The following RTL4 variants were observed in gnomAD, a reference collection of about 807,000 sequenced individuals.
The protein encoded by RTL4 is retrotransposon Gag-like protein 4.
A neutral mutation model predicts 5.3 loss-of-function variants in RTL4; 4 were observed. The ratio of observed to expected loss-of-function variants is 0.75; its 90% CI spans 0.37 to 1.72. The LOEUF is 1.72. Ranked by LOEUF, RTL4 falls within the 40% of genes most tolerant of loss-of-function variation. The probability of loss-of-function intolerance (pLI) is 0.04; values close to 1 mark genes in which losing one functional copy is unlikely to be tolerated. For missense variants in RTL4, 260 were observed against 227.1 expected (o/e 1.14, Z -0.93); for synonymous variants, 98 against 87.3 (o/e 1.12, Z -0.68).
the RTL4 span, among the ~76,000 whole-genome samples, chrX:112,371,974 CTAT>C: frequency 8.9e-6 from 1 of 111,794 alleles, no homozygotes. Flanking sequence ...AAATAAATTG[CTAT>C]TATTTGAGGT....
At chrX:112,348,289 G>A in the RTL4 span, among the ~76,000 whole-genome samples, 1 of 109,291 alleles carries the variant, frequency 9.1e-6, no homozygotes, top group Non-Finnish European at 1.9e-5. Context: ...TAGCAGTTAG[G>A]CTTCTCTTCC....
At chrX:112,429,095 A>G in the RTL4 span, among the ~76,000 whole-genome samples, 2 of 111,226 alleles carry the variant, frequency 1.8e-5, no homozygotes, top group Non-Finnish European at 3.8e-5. Context: ...TTTTCGATAC[A>G]CTCTGACAGT....
At chrX:112,284,495 T>C in the RTL4 span, among the ~76,000 whole-genome samples, 1 of 111,114 alleles carries the variant, frequency 9.0e-6, no homozygotes, top group African/African-American at 3.3e-5. Flanking sequence ...CTCAGGTGGT[T>C]GTAACCTTCA....
At chrX:112,258,744 T>C in the RTL4 span, among the ~76,000 whole-genome samples, 1 of 111,819 alleles carries the variant, frequency 8.9e-6, no homozygotes, top group Non-Finnish European at 1.9e-5. Context: ...CCTACATGAC[T>C]CCTCAGTTTT....
chrX:112,270,221 T>C, the RTL4 span, among the ~76,000 whole-genome samples: 1 of 112,363 alleles, frequency 8.9e-6, no homozygotes, highest in Admixed American at 9.4e-5. Context: ...TGCCAGGCAC[T>C]TTAAAGTCTT....
chrX:112,172,679 G>A, the RTL4 span, among the ~76,000 whole-genome samples: 2 of 110,938 alleles, frequency 1.8e-5, no homozygotes, highest in Non-Finnish European at 3.8e-5. Flanking sequence ...AGAAATATAA[G>A]TCACTCTATT....
At chrX:112,420,418 G>T in the RTL4 span, among the ~76,000 whole-genome samples, 1 of 111,254 alleles carries the variant, frequency 9.0e-6, no homozygotes, top group Non-Finnish European at 1.9e-5. Flanking sequence ...TGAAAGAGGG[G>T]AAATAAGGTG....
At chrX:112,085,840 G>C in the RTL4 span, among the ~76,000 whole-genome samples, 2 of 111,864 alleles carry the variant, frequency 1.8e-5, no homozygotes, top group Non-Finnish European at 3.8e-5. Flanking sequence ...TGAATATTTT[G>C]TGAGGAAACG....
the RTL4 span, among the ~76,000 whole-genome samples, chrX:112,114,271 G>A: frequency 1.8e-5 from 2 of 111,623 alleles, no homozygotes; most frequent in East Asian, 2.8e-4. Context: ...CATGATCTGA[G>A]TCGAGGTCCC....
chrX:112,210,331 C>T, the RTL4 span, among the ~76,000 whole-genome samples: 2 of 111,899 alleles, frequency 1.8e-5, no homozygotes, highest in South Asian at 3.7e-4. Context: ...AGTTATTTAC[C>T]GCTCTGTACT....
At chrX:112,307,335 G>A in the RTL4 span, among the ~76,000 whole-genome samples, 1 of 111,807 alleles carries the variant, frequency 8.9e-6, no homozygotes, top group Non-Finnish European at 1.9e-5. Context: ...CACCTAACCA[G>A]TGAGTGGTTA....
the RTL4 span, among the ~76,000 whole-genome samples, chrX:112,138,163 A>G: frequency 3.6e-5 from 4 of 112,556 alleles, no homozygotes; most frequent in Non-Finnish European, 7.5e-5. Context: ...ATACTGCATC[A>G]TACTACTTAT....
At chrX:112,141,215 G>A in the RTL4 span, among the ~76,000 whole-genome samples, 1 of 111,397 alleles carries the variant, frequency 9.0e-6, no homozygotes, top group Non-Finnish European at 1.9e-5. Context: ...TTCAGTTTAT[G>A]ATTGTTCATT....
At chrX:112,243,335 T>G in the RTL4 span, among the ~76,000 whole-genome samples, 1 of 111,294 alleles carries the variant, frequency 9.0e-6, no homozygotes, top group African/African-American at 3.3e-5. Context: ...CTGGACTTTT[T>G]TTGGTTAGTA....
chrX:112,245,370 A>C, the RTL4 span, among the ~76,000 whole-genome samples: 1 of 110,123 alleles, frequency 9.1e-6, no homozygotes, highest in South Asian at 4.0e-4. Context: ...ATAGTCCCAT[A>C]TTTCTTGGAG....
At chrX:112,330,912 T>A in the RTL4 span, among the ~76,000 whole-genome samples, 3 of 110,932 alleles carry the variant, frequency 2.7e-5, no homozygotes, top group Admixed American at 9.6e-5. Context: ...GGGGAAAGGA[T>A]TCCCTATTTA....
chrX:112,346,710 G>A, the RTL4 span, among the ~76,000 whole-genome samples: 2 of 111,360 alleles, frequency 1.8e-5, no homozygotes, highest in African/African-American at 6.5e-5. Context: ...CTGCGAGGAG[G>A]CCATGCAGAA....
At chrX:112,303,261 C>T in the RTL4 span, among the ~76,000 whole-genome samples, 2 of 110,905 alleles carry the variant, frequency 1.8e-5, no homozygotes, top group Non-Finnish European at 3.8e-5. Flanking sequence ...CAAAAAATAC[C>T]CTTTAATGAG....
At chrX:112,348,580 T>G in the RTL4 span, among the ~76,000 whole-genome samples, 1 of 110,782 alleles carries the variant, frequency 9.0e-6, no homozygotes, top group Non-Finnish European at 1.9e-5. Context: ...GACTAGATTG[T>G]TGCCATCAGA....
Sources: gnomAD v4.1 joint callset for allele counts (sites outside exome capture counted in the v4.1 genomes callset) on GRCh38, gnomAD v4.1.1 for gene constraint, MANE v1.5 for transcripts, NCBI Gene and HGNC (gene_info 2026-07-23, HGNC 2026-07-21) for gene names.